Variants in EXT1 observed in about 807,000 individuals in gnomAD.
EXT1 encodes the protein exostosin-1.
In EXT1, 20 loss-of-function variants were observed where a neutral mutation model predicts 82.5. The ratio of observed to expected loss-of-function variants is 0.24; its 90% CI spans 0.17 to 0.35. The LOEUF is 0.35. Among genes scored for constraint, EXT1 ranks in the 10% least tolerant of loss-of-function variants. The pLI, the probability that EXT1 is intolerant of heterozygous loss-of-function variation, is 1.00. For missense variants in EXT1, 757 were observed against 936.5 expected, an observed-to-expected ratio of 0.81 and a Z score of 2.50; for synonymous variants, 348 against 350.8, an observed-to-expected ratio of 0.99 and a Z score of 0.09.
intron 1 of EXT1, among the ~76,000 whole-genome samples, chr8:117,962,375 T>C (rs557387844): frequency 1.5e-4 from 22 of 151,608 alleles, no homozygotes; most frequent in African/African-American, 5.3e-4. Context: ...GAAGCTAAGG[T>C]GGAAGAATCC....
At chr8:118,066,940 G>C (rs1185555941) in intron 1 of EXT1, among the ~76,000 whole-genome samples, 1 of 152,164 alleles carries the variant, frequency 6.6e-6, no homozygotes, top group Non-Finnish European at 1.5e-5. Flanking sequence ...TAGATGTTTT[G>C]CTACCCAATA....
intron 1 of EXT1, among the ~76,000 whole-genome samples, chr8:118,107,650 G>A (rs565145414): frequency 3.3e-5 from 5 of 152,316 alleles, no homozygotes; most frequent in Non-Finnish European, 1.5e-5. Context: ...CACGTTGCTT[G>A]CTCTGCTAGC....
intron 1 of EXT1, among the ~76,000 whole-genome samples, chr8:117,977,956 T>C (rs1244980825): frequency 6.6e-6 from 1 of 152,240 alleles, no homozygotes; most frequent in Admixed American, 6.5e-5. Flanking sequence ...AAACACACAG[T>C]GCTAATGCAG....
chr8:117,979,280 G>A (rs1815133541), intron 1 of EXT1, among the ~76,000 whole-genome samples: 1 of 151,890 alleles, frequency 6.6e-6, no homozygotes, highest in South Asian at 2.1e-4. Context: ...CTTGAACCCA[G>A]GAGGCAGAGG....
At chr8:118,076,397 G>A (rs993625923) in intron 1 of EXT1, among the ~76,000 whole-genome samples, 5 of 152,228 alleles carry the variant, frequency 3.3e-5, no homozygotes, top group African/African-American at 1.2e-4. Flanking sequence ...AACAACAGCT[G>A]TAAACGTTAG....
At chr8:117,950,316 A>G (rs1364620261) in intron 1 of EXT1, among the ~76,000 whole-genome samples, 1 of 152,216 alleles carries the variant, frequency 6.6e-6, no homozygotes, top group Non-Finnish European at 1.5e-5. Flanking sequence ...TCAACAACAC[A>G]TCTTTGGAAA....
chr8:117,997,266 C>T (rs191870695), intron 1 of EXT1, among the ~76,000 whole-genome samples: 1,732 of 119,800 alleles, frequency 0.014, 17 homozygotes, highest in Non-Finnish European at 0.026. Context: ...TATATATACA[C>T]ACTTTATATA....
In EXT1 at chr8:117,907,028, C is replaced by A. The variant is rs60412456; in HGVS notation, c.963-69827G>T. ...CCCCACGAAATTAAGATGGCCCAAA[C>A]CATGGCTGACCATGCACATTCACTT... On this transcript the variant is annotated intron_variant, in intron 1 of 10. Coordinates refer to ENST00000378204, the MANE Select transcript of EXT1 (RefSeq NM_000127.3). Among the ~76,000 whole-genome samples, 24 of 101,840 alleles carry A rather than the reference C, an allele frequency of 2.4e-4. No individual in the cohort carries two copies. In the East Asian group the frequency reaches 2.8e-3, roughly 12 times the overall value. The allele number at this position is 101,840 out of a possible 152,430, so 66.8% of individuals were successfully genotyped here.
intron 1 of EXT1, among the ~76,000 whole-genome samples, chr8:117,979,232 T>C (rs1363310422): frequency 6.6e-6 from 1 of 152,096 alleles, no homozygotes; most frequent in Non-Finnish European, 1.5e-5. Context: ...GGTGCACCTG[T>C]AGTCCCAGCT....
rs187820374 is a variant in EXT1 at position 117,805,049 on chromosome 8, A to G, written c.1884-156T>C. 2.6e-5 allele frequency among the ~76,000 whole-genome samples: 4 copies of G among 152,312 alleles called. No individual in the cohort carries two copies. The East Asian group carries it at 5.8e-4, about 22-fold the overall frequency. On this transcript the variant is annotated intron_variant, in intron 9 of 10. Transcript: ENST00000378204. ...GATGATGACGATAACTATCACTTCTATGGTACTTGTTATATACCAGATATT... is the reference window on the plus strand; with the variant it reads ...GATGATGACGATAACTATCACTTCTGTGGTACTTGTTATATACCAGATATT...
At chr8:118,034,594 C>T (rs1816386496) in intron 1 of EXT1, among the ~76,000 whole-genome samples, 1 of 151,804 alleles carries the variant, frequency 6.6e-6, no homozygotes. Context: ...AGTGCCTTGG[C>T]CTCACTTGCA....
At chr8:117,973,825 G>T (rs1362197451) in intron 1 of EXT1, among the ~76,000 whole-genome samples, 1 of 93,674 alleles carries the variant, frequency 1.1e-5, no homozygotes, top group African/African-American at 5.6e-5. Context: ...GGAAAGGAAA[G>T]GAAAGGAAAG....
At chr8:117,957,425 T>C (rs756910858) in intron 1 of EXT1, among the ~76,000 whole-genome samples, 2 of 152,202 alleles carry the variant, frequency 1.3e-5, no homozygotes, top group African/African-American at 4.8e-5. Context: ...AGTGAGTTCA[T>C]AATGGCCCTT....
rs533948369 is a variant in EXT1 at position 117,914,654 on chromosome 8, C to A, written c.963-77453G>T. ...CCGCTCTGGGAATGTCTATCTTATG[C>A]GGTTGAGATAAGAACTGAGATATGC... On this transcript the variant is annotated intron_variant, in intron 1 of 10. Coordinates refer to ENST00000378204, the MANE Select transcript of EXT1 (RefSeq NM_000127.3). Among the ~76,000 whole-genome samples the A allele has an allele frequency of 1.3e-3, 204 of 152,198 alleles. 1 individual carries two copies. The highest frequency in any genetic ancestry group is 4.7e-3 in the African/African-American group (195 of 41,524).
chr8:118,022,641 A>G (rs1228143106), intron 1 of EXT1, among the ~76,000 whole-genome samples: 1 of 151,492 alleles, frequency 6.6e-6, no homozygotes, highest in Non-Finnish European at 1.5e-5. Flanking sequence ...CCTGGCCCAA[A>G]AAAAAAAAAG....
At chr8:117,912,286 C>G (rs1813663316) in intron 1 of EXT1, among the ~76,000 whole-genome samples, 1 of 152,180 alleles carries the variant, frequency 6.6e-6, no homozygotes, top group African/African-American at 2.4e-5. Flanking sequence ...GAGATTGCCT[C>G]AACAATTTTC....
rs1432260667 is a variant in EXT1 at position 118,073,705 on chromosome 8, A to AAGAGAAGAGAAGAGAAGAGAAGAGG, written c.962+36379_962+36380insCCTCTTCTCTTCTCTTCTCTTCTCT. ...AAGAGAAGAGAAGAGAAGAGAAGAGAAGCCTCTTAAGAAGGATCCAGCACA... is the reference window on the plus strand; with the variant it reads ...AAGAGAAGAGAAGAGAAGAGAAGAGAAGAGAAGAGAAGAGAAGAGAAGAGGAGCCTCTTAAGAAGGATCCAGCACA... On this transcript the variant is annotated intron_variant, in intron 1 of 10. Coordinates refer to ENST00000378204, the MANE Select transcript of EXT1 (RefSeq NM_000127.3). Among the ~76,000 whole-genome samples the AAGAGAAGAGAAGAGAAGAGAAGAGG allele has an allele frequency of 4.5e-3, 460 of 102,778 alleles. 33 individuals are homozygous for AAGAGAAGAGAAGAGAAGAGAAGAGG. Among genetic ancestry groups the AAGAGAAGAGAAGAGAAGAGAAGAGG allele is most frequent in the African/African-American group, 0.013 (394 of 30,098 alleles). 67.4% of individuals were successfully genotyped at this position (102,778 alleles called of 152,430 possible).
chr8:118,048,237 G>T (rs771942678), intron 1 of EXT1, among the ~76,000 whole-genome samples: 8 of 152,144 alleles, frequency 5.3e-5, no homozygotes, highest in Non-Finnish European at 7.3e-5. Context: ...TCTCCATTTT[G>T]CAGTCACTTA....
Position 117,858,785 on chromosome 8 carries a change from G to GC in EXT1, c.963-21585dup, listed in dbSNP as rs1322675783. Among the ~76,000 whole-genome samples the GC allele has an allele frequency of 9.4e-3, 1,073 of 114,022 alleles. 17 individuals are homozygous for GC. The highest frequency in any genetic ancestry group is 0.015 in the African/African-American group (371 of 24,316). The allele number at this position is 114,022 out of a possible 152,430, so 74.8% of individuals were successfully genotyped here. On this transcript the variant is annotated intron_variant, in intron 1 of 10. Coordinates refer to ENST00000378204, the MANE Select transcript of EXT1 (RefSeq NM_000127.3). ...GGAAGGAAGGCAGGCAGGCAGGCAGGCAGGCAAGGCAAGGCAAGGCAAGGC... is the reference window on the plus strand; with the variant it reads ...GGAAGGAAGGCAGGCAGGCAGGCAGGCCAGGCAAGGCAAGGCAAGGCAAGGC...
Sources: gnomAD v4.1 joint callset for allele counts (sites outside exome capture counted in the v4.1 genomes callset) on GRCh38, gnomAD v4.1.1 for gene constraint, MANE v1.5 for transcripts, NCBI Gene and HGNC (gene_info 2026-07-23, HGNC 2026-07-21) for gene names.